TBC1D19: variants seen among roughly 807,000 people sequenced by gnomAD.
TBC1D19 encodes the protein TBC1 domain family member 19.
In TBC1D19, 60 loss-of-function variants were observed where a neutral mutation model predicts 89.0. That is an observed-to-expected ratio of 0.67 (90% CI 0.55 to 0.84). The LOEUF is 0.84. Ranked by LOEUF, TBC1D19 falls within the 40% of genes least tolerant of loss-of-function variation. The pLI, the probability that TBC1D19 is intolerant of heterozygous loss-of-function variation, is 0.00. For missense variants in TBC1D19, 500 were observed against 610.8 expected, an observed-to-expected ratio of 0.82 and a Z score of 1.91; for synonymous variants, 189 against 199.7, an observed-to-expected ratio of 0.95 and a Z score of 0.45.
the TBC1D19 span, among the ~76,000 whole-genome samples, chr4:26,805,325 C>G: frequency 2.0e-4 from 30 of 152,282 alleles, no homozygotes; most frequent in Admixed American, 5.9e-4. Flanking sequence ...AATATGCTCT[C>G]CAGGGGTTTC....
Position 26,725,171 on chromosome 4 carries a change from A to G in TBC1D19, c.1084+5046A>G, listed in dbSNP as rs1049001667. Among the ~76,000 whole-genome samples, 20 of 152,330 alleles carry G rather than the reference A, an allele frequency of 1.3e-4. 1 individual carries two copies. The highest frequency in any genetic ancestry group is 8.5e-4 in the Admixed American group (13 of 15,308). On this transcript the variant is annotated intron_variant, in intron 15 of 20. Transcript: ENST00000264866. ...CATGGCTGCTGCCAAGTTGGGGAGT[A>G]GGGTATGGTAGGTGGGCAAATTAAA...
chr4:26,659,772 C>A, intron 8 of TBC1D19, 65 bp downstream of exon 8: 2 of 1,039,992 alleles, frequency 1.9e-6, no homozygotes, highest in Non-Finnish European at 1.4e-6. Context: ...TGTTTTAATA[C>A]AGCATGTATG....
rs1252831912 is a variant in TBC1D19 at position 26,717,990 on chromosome 4, G to T, written c.1012G>T (p.Ala338Ser). The T allele has an allele frequency of 6.2e-7, 1 of 1,611,410 alleles. No individual in the cohort carries two copies. The highest frequency in any genetic ancestry group is 1.7e-5 in the Admixed American group (1 of 59,788). ...GTTGAGTCACTTTGCATTCAACAGT[G>T]CCTCGCCACCAAAATCATACATAAG... ...SVLSHFAFNS[A>S]SPPKSYIRGK... Residue 338 changes from alanine to serine, a missense_variant, in exon 14 of 21, where the codon GCC becomes TCC. This residue lies in a region of TBC1D19 where 220 missense variants were observed against 319.1 expected (regional missense o/e 0.69). Coordinates refer to ENST00000264866, the MANE Select transcript of TBC1D19 (RefSeq NM_018317.4).
At chr4:26,628,359 T>G (rs1380022351) in intron 4 of TBC1D19, among the ~76,000 whole-genome samples, 2 of 152,168 alleles carry the variant, frequency 1.3e-5, no homozygotes, top group East Asian at 3.9e-4. Flanking sequence ...AGGATTGACT[T>G]GGCGATGCAG....
intron 4 of TBC1D19, among the ~76,000 whole-genome samples, chr4:26,622,699 T>A (rs571738011): frequency 6.6e-6 from 1 of 152,172 alleles, no homozygotes; most frequent in Non-Finnish European, 1.5e-5. Context: ...ACTATATGAA[T>A]CACTAAGATA....
At chr4:26,857,376 G>A in the TBC1D19 span, among the ~76,000 whole-genome samples, 1 of 152,354 alleles carries the variant, frequency 6.6e-6, no homozygotes, top group Admixed American at 6.5e-5. Context: ...GGACCACCCT[G>A]CTGGGTCTGT....
intron 1 of TBC1D19, among the ~76,000 whole-genome samples, chr4:26,608,713 A>C (rs1451585224): frequency 1.3e-5 from 2 of 152,104 alleles, no homozygotes; most frequent in Non-Finnish European, 2.9e-5. Context: ...GATTTAGTAC[A>C]TTTGAATAAT....
chr4:26,704,532 A>G (rs144636969), intron 13 of TBC1D19, among the ~76,000 whole-genome samples: 1 of 152,248 alleles, frequency 6.6e-6, no homozygotes, highest in East Asian at 1.9e-4. Context: ...AAAAGGTCCA[A>G]ATGTGTCAGA....
At chr4:26,713,363 T>G (rs1221123844) in intron 13 of TBC1D19, among the ~76,000 whole-genome samples, 1 of 152,028 alleles carries the variant, frequency 6.6e-6, no homozygotes, top group Non-Finnish European at 1.5e-5. Flanking sequence ...AAATCAAGTA[T>G]TAATATATTT....
At chr4:26,777,862 T>C in the TBC1D19 span, among the ~76,000 whole-genome samples, 2 of 151,132 alleles carry the variant, frequency 1.3e-5, no homozygotes, top group African/African-American at 4.9e-5. Context: ...GTGAGGATTG[T>C]TGGAGCCCAG....
At chr4:26,676,531 A>T (rs535690887) in intron 11 of TBC1D19, among the ~76,000 whole-genome samples, 5 of 152,200 alleles carry the variant, frequency 3.3e-5, no homozygotes, top group African/African-American at 1.2e-4. Context: ...CAGCCTGGCC[A>T]ACGTGGAGAA....
chr4:26,796,175 A>G, the TBC1D19 span, among the ~76,000 whole-genome samples: 2 of 152,224 alleles, frequency 1.3e-5, no homozygotes, highest in Admixed American at 6.5e-5. Context: ...ACGAAAAGCA[A>G]TGTTCCAAAA....
the TBC1D19 span, among the ~76,000 whole-genome samples, chr4:26,831,888 G>T: frequency 6.6e-6 from 1 of 152,126 alleles, no homozygotes; most frequent in Admixed American, 6.5e-5. Flanking sequence ...ACCACACCCA[G>T]CAGCTAATCC....
At chr4:26,796,183 A>G in the TBC1D19 span, among the ~76,000 whole-genome samples, 4 of 152,224 alleles carry the variant, frequency 2.6e-5, no homozygotes, top group Non-Finnish European at 4.4e-5. Context: ...CAATGTTCCA[A>G]AATATGTACT....
chr4:26,668,209 T>A (rs1446946435), intron 9 of TBC1D19, among the ~76,000 whole-genome samples: 1 of 151,964 alleles, frequency 6.6e-6, no homozygotes, highest in African/African-American at 2.4e-5. Flanking sequence ...TAATGGCAAA[T>A]GATAGTCATA....
At chr4:26,584,977 T>C (rs1306395160) in intron 1 of TBC1D19, 2 of 195,106 alleles carry the variant, frequency 1.0e-5, no homozygotes, top group African/African-American at 2.4e-5. Context: ...TCAGTAGTTC[T>C]GTTCCTTTTT....
At chr4:26,674,636 C>T (rs1162572209) in intron 11 of TBC1D19, among the ~76,000 whole-genome samples, 1 of 152,000 alleles carries the variant, frequency 6.6e-6, no homozygotes, top group East Asian at 1.9e-4. Flanking sequence ...AGAAATATAT[C>T]ATTGAGCAAG....
At chr4:26,835,974 G>GCTCTCT in the TBC1D19 span, among the ~76,000 whole-genome samples, 2,081 of 143,512 alleles carry the variant, frequency 0.015, 57 homozygotes, top group African/African-American at 0.051. Flanking sequence ...CATGTGAAGT[G>GCTCTCT]CTCTCTCTCT....
chr4:26,735,440 C>G lies in TBC1D19; in HGVS notation c.1085-15C>G. 1 of 1,364,154 alleles carries G rather than the reference C, an allele frequency of 7.3e-7. No homozygotes were observed. The highest frequency in any genetic ancestry group is 9.6e-7 in the Non-Finnish European group (1 of 1,038,002). 84.5% of individuals were successfully genotyped at this position (1,364,154 alleles called of 1,614,324 possible). A position where few individuals can be genotyped will look rare whatever the true frequency, so the allele number is the denominator to read the frequency against. ...GCCTACTACTTATTGAAAAGAAATA[C>G]CTTTTTTTTTTTAGGTGTTATCCCT... On this transcript the variant is annotated splice_polypyrimidine_tract_variant and intron_variant, in intron 15 of 20. Transcript: ENST00000264866.
Sources: allele counts gnomAD v4.1 joint callset (sites outside exome capture counted in the v4.1 genomes callset), GRCh38; gene constraint gnomAD v4.1.1; regional missense constraint gnomAD v4.1.1; transcripts MANE v1.5; gene names NCBI Gene and HGNC (gene_info 2026-07-23, HGNC 2026-07-21).